TMEM11: variants seen among roughly 807,000 people sequenced by gnomAD.
TMEM11 encodes the protein transmembrane protein 11, also known as transmembrane protein 11, mitochondrial.
TMEM11 carries 1 observed loss-of-function variant against 17.0 expected under a neutral mutation model. The observed-to-expected ratio is 0.06, with a 90% CI of 0.02 to 0.28. The LOEUF (loss-of-function observed/expected upper bound fraction) is 0.28. Ranked by LOEUF, TMEM11 falls within the 10% of genes least tolerant of loss-of-function variation. TMEM11 has a pLI of 1.00. For synonymous variants in TMEM11, 122 were observed against 118.1 expected, an observed-to-expected ratio of 1.03 and a Z score of -0.21; for missense variants, 172 against 252.9, an observed-to-expected ratio of 0.68 and a Z score of 2.17.
rs1974848379 is a variant in TMEM11 at position 21,198,820 on chromosome 17, T to G, written c.83A>C (p.Asp28Ala). 3 of 1,610,406 alleles carry G rather than the reference T, an allele frequency of 1.9e-6. No homozygotes were observed. Among genetic ancestry groups the G allele is most frequent in the Non-Finnish European group, 2.5e-6 (3 of 1,177,492 alleles). Residue 28 changes from aspartate (D) to alanine (A), a missense_variant, in exon 2 of 2, where the codon GAC (aspartate) becomes GCC (alanine). By Grantham distance (126) the Asp-to-Ala change is moderately radical. Around this residue, in one of 2 missense-constraint regions of TMEM11, gnomAD observed 49 missense variants for 39.3 expected, o/e 1.25. Transcript: ENST00000317635. This position sits in a 1 kb window ranked among gnomAD's most constrained non-coding sequence, Gnocchi z 6.5. ...ARERVSLSAT[D>A]CYIVHEIYNG... ...GTAGATCTCATGCACAATGTAGCAG[T>G]CTGTGGCCGACAAGCTCACCCTTTT...
intron 1 of TMEM11, among the ~76,000 whole-genome samples, chr17:21,204,122 T>TAA (rs61174663): frequency 2.2e-5 from 3 of 138,222 alleles, no homozygotes; most frequent in Admixed American, 7.3e-5. Context: ...AGTCTATGTT[T>TAA]AAAAAAAAAA....
intron 1 of TMEM11, chr17:21,211,228 C>G (rs1367750165): frequency 1.6e-6 from 2 of 1,288,996 alleles, no homozygotes; most frequent in East Asian, 1.1e-4. Context: ...TGTTGGTTCC[C>G]TAGATTTAAT....
intron 1 of TMEM11, 144 bp downstream of exon 1, chr17:21,213,947 G>A (rs1339805413): frequency 7.6e-6 from 6 of 785,966 alleles, no homozygotes; most frequent in Non-Finnish European, 9.9e-6. Context: ...GGATCCTCCG[G>A]AACTGGAACC....
intron 1 of TMEM11, chr17:21,213,784 C>A: frequency 2.6e-6 from 1 of 391,030 alleles, no homozygotes; most frequent in Non-Finnish European, 4.6e-6. Flanking sequence ...CTAGGCGGGT[C>A]CCTGAGGCCT....
At chr17:21,211,317 T>G in intron 1 of TMEM11, 1 of 950,216 alleles carries the variant, frequency 1.1e-6, no homozygotes, top group Non-Finnish European at 1.4e-6. Flanking sequence ...AAACCAGCAC[T>G]GTCCATATCA....
In TMEM11 at chr17:21,198,851, A is replaced by AG. The variant is rs1322375819; in HGVS notation, c.63-12dup. On this transcript the variant is annotated splice_polypyrimidine_tract_variant and intron_variant, in intron 1 of 1. Transcript: ENST00000317635. This position sits in a 1 kb window ranked among gnomAD's most constrained non-coding sequence, Gnocchi z 6.5. ...GCCGACAAGCTCACCCTTTTGATGG[A>AG]GGGGGCAGGAAAGGGAGAGAGAGAG... 2 of 1,601,860 alleles carry AG rather than the reference A, an allele frequency of 1.2e-6. No homozygotes were observed. The highest frequency in any genetic ancestry group is 1.7e-6 in the Non-Finnish European group (2 of 1,172,714).
At chr17:21,204,330 A>T (rs532073952) in intron 1 of TMEM11, among the ~76,000 whole-genome samples, 1 of 149,772 alleles carries the variant, frequency 6.7e-6, no homozygotes, top group South Asian at 2.1e-4. Flanking sequence ...GCTACTTGGG[A>T]GCCTGAGGCA....
intron 1 of TMEM11, among the ~76,000 whole-genome samples, chr17:21,203,243 G>A (rs761720336): frequency 6.6e-6 from 1 of 152,220 alleles, no homozygotes. Context: ...CAAAGCCGCA[G>A]GATCCCTCCG....
At chr17:21,203,990 A>AT (rs1974913104) in intron 1 of TMEM11, among the ~76,000 whole-genome samples, 5 of 88,518 alleles carry the variant, frequency 5.6e-5, no homozygotes, top group Non-Finnish European at 9.8e-5. Context: ...AATTATATGG[A>AT]CTTTTTTTTT....
chr17:21,210,982 C>G (rs1006639743), intron 1 of TMEM11: 1 of 1,289,660 alleles, frequency 7.8e-7, no homozygotes, highest in Admixed American at 2.3e-5. Flanking sequence ...GGCCCTGAGA[C>G]AGTGAAGCCG....
chr17:21,199,088 G>C (rs149302322), intron 1 of TMEM11, among the ~76,000 whole-genome samples: 2 of 129,926 alleles, frequency 1.5e-5, no homozygotes, highest in African/African-American at 2.6e-5. Context: ...TTGGGAGGCC[G>C]GGGGGGCGGA....
At chr17:21,208,911 C>T (rs1163874493) in intron 1 of TMEM11, among the ~76,000 whole-genome samples, 2 of 152,224 alleles carry the variant, frequency 1.3e-5, no homozygotes, top group Admixed American at 6.5e-5. Flanking sequence ...TCAACCCATC[C>T]GTCAGGCTGC....
chr17:21,201,306 A>C (rs1974880986), intron 1 of TMEM11, among the ~76,000 whole-genome samples: 1 of 152,186 alleles, frequency 6.6e-6, no homozygotes, highest in African/African-American at 2.4e-5. Context: ...AGTCACTGTA[A>C]CTAAGCCAGG....
chr17:21,209,779 A>C (rs961638275), intron 1 of TMEM11, among the ~76,000 whole-genome samples: 5 of 152,174 alleles, frequency 3.3e-5, no homozygotes, highest in African/African-American at 1.2e-4. Context: ...TAAAATAAAT[A>C]AATAAATGAA....
Position 21,214,137 on chromosome 17 carries a change from T to G in TMEM11, c.16A>C (p.Arg6=). 1 of 1,612,392 alleles carries G rather than the reference T, an allele frequency of 6.2e-7. No individual in the cohort carries two copies. The highest frequency in any genetic ancestry group is 8.5e-7 in the Non-Finnish European group (1 of 1,179,608). The change falls in exon 1 of 2, where the codon AGG becomes CGG. Residue 6 remains arginine, a synonymous_variant. Coordinates refer to ENST00000317635, the MANE Select transcript of TMEM11 (RefSeq NM_003876.3). ...CTGCTGCCCGGGCCAAGACGCCTCC[T>G]TCCCCAAGCGGCCATCTTGGAGACA... is the stretch of plus-strand genomic sequence containing the variant. MAAWG[R]RRLGPGSSGG... is the part of the protein sequence containing the mutation.
At chr17:21,209,488 C>T (rs1159311620) in intron 1 of TMEM11, among the ~76,000 whole-genome samples, 13 of 152,288 alleles carry the variant, frequency 8.5e-5, no homozygotes, top group African/African-American at 1.4e-4. Flanking sequence ...AGTTCCTGGC[C>T]GGGCACAGTG....
At chr17:21,211,047 C>T (rs985926989) in intron 1 of TMEM11, 14 of 1,289,654 alleles carry the variant, frequency 1.1e-5, no homozygotes, top group African/African-American at 3.0e-5. Flanking sequence ...GGCTGGCACA[C>T]GGTGGCAGAA....
At chr17:21,204,880 G>T (rs1258261729) in intron 1 of TMEM11, among the ~76,000 whole-genome samples, 1 of 152,096 alleles carries the variant, frequency 6.6e-6, no homozygotes, top group Non-Finnish European at 1.5e-5. Context: ...GGGAGCAGGG[G>T]TCAGCCCGTT....
intron 1 of TMEM11, among the ~76,000 whole-genome samples, chr17:21,206,041 T>C (rs898075319): frequency 2.6e-5 from 3 of 114,962 alleles, no homozygotes; most frequent in Non-Finnish European, 5.2e-5. Flanking sequence ...GAGTCCCTGC[T>C]TTTTTTGGGG....
Sources: gnomAD v4.1 joint callset for allele counts (sites outside exome capture counted in the v4.1 genomes callset) on GRCh38, gnomAD v4.1.1 for gene constraint, gnomAD v4.1.1 regional missense constraint, Gnocchi (gnomAD v3.1) non-coding constraint, MANE v1.5 for transcripts, NCBI Gene and HGNC (gene_info 2026-07-23, HGNC 2026-07-21) for gene names.